MGAT4C: variants seen among roughly 807,000 people sequenced by gnomAD.
The protein encoded by MGAT4C is alpha-1,3-mannosyl-glycoprotein 4-beta-N-acetylglucosaminyltransferase C.
A neutral mutation model predicts 40.1 loss-of-function variants in MGAT4C; 19 were observed. The ratio of observed to expected loss-of-function variants is 0.47; its 90% CI spans 0.33 to 0.70. MGAT4C has a LOEUF of 0.70. Ranked by LOEUF, MGAT4C falls within the 30% of genes least tolerant of loss-of-function variation. MGAT4C has a pLI of 0.02. For synonymous variants in MGAT4C, 181 were observed against 187.1 expected, an observed-to-expected ratio of 0.97 and a Z score of 0.27; for missense variants, 491 against 563.2, an observed-to-expected ratio of 0.87 and a Z score of 1.30.
intron 4 of MGAT4C, among the ~76,000 whole-genome samples, chr12:86,268,880 A>G (rs1454218446): frequency 6.9e-6 from 1 of 144,992 alleles, no homozygotes; most frequent in Non-Finnish European, 1.5e-5. Context: ...TTAAAATAAA[A>G]AAGAAAGGGT....
intron 3 of MGAT4C, among the ~76,000 whole-genome samples, chr12:86,358,394 C>T (rs552209175): frequency 9.2e-5 from 14 of 152,238 alleles, no homozygotes; most frequent in South Asian, 4.1e-4. Flanking sequence ...TAAAGACCAT[C>T]GAGGCTAGGA....
At chr12:86,528,480 C>T (rs186465227) in intron 2 of MGAT4C, among the ~76,000 whole-genome samples, 3 of 151,552 alleles carry the variant, frequency 2.0e-5, no homozygotes, top group African/African-American at 7.3e-5. Context: ...GTACTTAGGC[C>T]AAATAAAAAT....
At position 86,004,553 on chromosome 12, in the gene MGAT4C, C is replaced by A. The variant is rs1393529070; in HGVS notation, c.-6-15001G>T. Among the ~76,000 whole-genome samples the A allele has an allele frequency of 2.0e-5, 3 of 152,176 alleles. No homozygotes were observed. The East Asian group carries it at 5.8e-4, about 29-fold the overall frequency. ...ATGATGGTGTTGATTAATTTAGAGA[C>A]CATAGTACTGAATTAAGGATTTTCA... On this transcript the variant is annotated intron_variant, in intron 2 of 4. Coordinates refer to ENST00000611864, the MANE Select transcript of MGAT4C (RefSeq NM_001351288.2).
At chr12:86,145,433 A>G (rs992794991) in intron 1 of MGAT4C, among the ~76,000 whole-genome samples, 5 of 152,208 alleles carry the variant, frequency 3.3e-5, no homozygotes, top group African/African-American at 1.2e-4. Flanking sequence ...ACTAAGCAAC[A>G]TAATTACCAA....
Position 86,308,389 on chromosome 12 carries a change from A to G in MGAT4C, c.-57+25676T>C, listed in dbSNP as rs190482129. ...TATATCAGTTTCTTTACAAATACAG[A>G]TTTCTGAAAGGTTTGAATTTACACA... On this transcript the variant is annotated intron_variant, in intron 4 of 7. Transcript: ENST00000548651. 6.2e-3 allele frequency among the ~76,000 whole-genome samples: 935 copies of G among 150,704 alleles called. 17 individuals are homozygous for G. The highest frequency in any genetic ancestry group is 0.014 in the Middle Eastern group (4 of 294).
intron 1 of MGAT4C, among the ~76,000 whole-genome samples, chr12:86,055,199 A>T (rs774208108): frequency 2.0e-4 from 30 of 152,026 alleles, no homozygotes; most frequent in Admixed American, 3.3e-4. Flanking sequence ...GGCTTGGGGT[A>T]AGAGTGATGA....
At chr12:86,788,021 G>A (rs1951961331) in intron 1 of MGAT4C, among the ~76,000 whole-genome samples, 1 of 151,994 alleles carries the variant, frequency 6.6e-6, no homozygotes, top group Non-Finnish European at 1.5e-5. Flanking sequence ...GAAGAGACAT[G>A]ACAAAATGAT....
At chr12:86,625,490 A>G (rs1962775642) in intron 2 of MGAT4C, among the ~76,000 whole-genome samples, 1 of 152,166 alleles carries the variant, frequency 6.6e-6, no homozygotes, top group African/African-American at 2.4e-5. Flanking sequence ...AATTCACTAG[A>G]GGGGATCAAC....
rs1353877854 is a variant in MGAT4C at position 86,346,832 on chromosome 12, C to T, written c.-119-12705G>A. On this transcript the variant is annotated intron_variant, in intron 3 of 7. Coordinates refer to the MGAT4C transcript ENST00000548651. ...TCAATCTGGGTGGGCACCATCCAAC[C>T]GGCTGCCAGTAGGGCTAGAAAATGT... is the stretch of plus-strand genomic sequence containing the variant. 2.6e-5 allele frequency among the ~76,000 whole-genome samples: 4 copies of T among 152,204 alleles called. No homozygotes were observed. In the East Asian group the frequency reaches 5.8e-4, roughly 22 times the overall value.
At position 85,975,671 on chromosome 12, in the gene MGAT4C, A is replaced by G. The variant is rs143763063; in HGVS notation, c.*3618T>C. ...GTGGAATGACAGAAGCAAGATCTAG[A>G]AAGTTTGGGATCATGAATCAAAAGA... On this transcript the variant is annotated 3_prime_UTR_variant, in exon 5 of 5. Coordinates refer to ENST00000611864, the MANE Select transcript of MGAT4C (RefSeq NM_001351288.2). 6.2e-4 allele frequency: 94 copies of G among 151,054 alleles called. 1 individual carries two copies. The highest frequency in any genetic ancestry group is 2.2e-3 in the African/African-American group (93 of 41,468). 9.4% of individuals were successfully genotyped at this position (151,054 alleles called of 1,614,324 possible).
chr12:86,455,719 A>C (rs1436537946), intron 2 of MGAT4C, among the ~76,000 whole-genome samples: 2 of 152,134 alleles, frequency 1.3e-5, no homozygotes, highest in African/African-American at 4.8e-5. Context: ...TCAAATATTA[A>C]TTTTGTAGGC....
At chr12:86,249,295 C>G (rs1443920076) in intron 1 of MGAT4C, among the ~76,000 whole-genome samples, 1 of 152,136 alleles carries the variant, frequency 6.6e-6, no homozygotes, top group African/African-American at 2.4e-5. Flanking sequence ...TGTGACCCAC[C>G]TTTCTATTCT....
intron 1 of MGAT4C, among the ~76,000 whole-genome samples, chr12:86,076,284 C>T (rs1869685662): frequency 6.6e-6 from 1 of 152,190 alleles, no homozygotes; most frequent in South Asian, 2.1e-4. Context: ...CTGAGACCAC[C>T]TCAGCCTGGA....
At chr12:86,013,263 T>A (rs765876619) in intron 2 of MGAT4C, among the ~76,000 whole-genome samples, 2 of 152,072 alleles carry the variant, frequency 1.3e-5, no homozygotes, top group African/African-American at 2.4e-5. Flanking sequence ...ACCAAGTAAT[T>A]TTTTTTTGGA....
intron 2 of MGAT4C, among the ~76,000 whole-genome samples, chr12:86,042,429 T>G (rs1891949859): frequency 6.6e-6 from 1 of 152,196 alleles, no homozygotes; most frequent in East Asian, 1.9e-4. Flanking sequence ...TTAAATGCGT[T>G]TTTGTTGTAT....
At chr12:86,447,956 T>C (rs936169604) in intron 2 of MGAT4C, among the ~76,000 whole-genome samples, 6 of 152,140 alleles carry the variant, frequency 3.9e-5, no homozygotes, top group African/African-American at 1.4e-4. Context: ...GCAATTCTGA[T>C]TCGCCTATAT....
At chr12:86,520,404 T>C (rs1437807301) in intron 2 of MGAT4C, among the ~76,000 whole-genome samples, 1 of 152,170 alleles carries the variant, frequency 6.6e-6, no homozygotes, top group Non-Finnish European at 1.5e-5. Context: ...CACGATCTCA[T>C]TCTTTTTTAT....
chr12:86,407,227 T>A (rs1208019129), intron 3 of MGAT4C, among the ~76,000 whole-genome samples: 2 of 152,134 alleles, frequency 1.3e-5, no homozygotes, highest in South Asian at 4.1e-4. Context: ...TTAATATTTA[T>A]CATTTTTCAA....
At chr12:86,216,290 A>G (rs1053800398) in intron 1 of MGAT4C, among the ~76,000 whole-genome samples, 4 of 152,172 alleles carry the variant, frequency 2.6e-5, no homozygotes, top group Admixed American at 6.5e-5. Context: ...AAGTAATAGG[A>G]TGCATTATTT....
Sources: gnomAD v4.1 joint callset for allele counts (sites outside exome capture counted in the v4.1 genomes callset) on GRCh38, gnomAD v4.1.1 for gene constraint, MANE v1.5 for transcripts, NCBI Gene and HGNC (gene_info 2026-07-23, HGNC 2026-07-21) for gene names.